N4BP2: variants seen among roughly 807,000 people sequenced by gnomAD.
N4BP2 encodes NEDD4 binding protein 2, also known as NEDD4-binding protein 2.
A neutral mutation model predicts 152.8 loss-of-function variants in N4BP2; 91 were observed. That is an observed-to-expected ratio of 0.60 (90% confidence interval 0.50 to 0.71). The LOEUF (loss-of-function observed/expected upper bound fraction) is 0.71. Among genes scored for constraint, N4BP2 ranks in the 30% least tolerant of loss-of-function variants. The pLI is 0.00. For synonymous variants in N4BP2, 646 were observed against 705.3 expected, an observed-to-expected ratio of 0.92 and a Z score of 1.33; for missense variants, 1,923 against 2,059.1, an observed-to-expected ratio of 0.93 and a Z score of 1.28.
chr4:40,146,654 C>T (rs1720546971), intron 16 of N4BP2, among the ~76,000 whole-genome samples: 1 of 152,112 alleles, frequency 6.6e-6, no homozygotes, highest in Non-Finnish European at 1.5e-5. Flanking sequence ...CCTATTGTTA[C>T]CATTTTGTGT....
intron 1 of N4BP2, among the ~76,000 whole-genome samples, chr4:40,067,112 C>T (rs943139705): frequency 7.2e-6 from 1 of 138,662 alleles, no homozygotes; most frequent in African/African-American, 2.7e-5. Context: ...GGCTGGAGTG[C>T]AGTGGTGTGA....
intron 3 of N4BP2, among the ~76,000 whole-genome samples, chr4:40,097,991 C>T (rs563420979): frequency 5.9e-5 from 9 of 152,248 alleles, no homozygotes; most frequent in African/African-American, 2.2e-4. Flanking sequence ...AAAATGTCTC[C>T]ATGTATTGTC....
At chr4:40,134,294 A>G (rs1719157655) in intron 13 of N4BP2, among the ~76,000 whole-genome samples, 1 of 152,200 alleles carries the variant, frequency 6.6e-6, no homozygotes, top group Non-Finnish European at 1.5e-5. Context: ...ATGCTAGCAT[A>G]TGGCCACTCC....
chr4:40,101,661 T>A (rs924724897), intron 3 of N4BP2, among the ~76,000 whole-genome samples: 2 of 152,204 alleles, frequency 1.3e-5, no homozygotes, highest in Admixed American at 1.3e-4. Flanking sequence ...TTAGATTTAC[T>A]AAGAGAATAC....
intron 1 of N4BP2, among the ~76,000 whole-genome samples, chr4:40,066,620 C>CAGAGA (rs1711552884): frequency 6.6e-6 from 1 of 152,164 alleles, no homozygotes; most frequent in African/African-American, 2.4e-5. Flanking sequence ...GTGCCTAGCC[C>CAGAGA]TGGTCTGTTT....
downstream of N4BP2, among the ~76,000 whole-genome samples, chr4:40,162,759 A>AT (rs150436804): frequency 1.0e-3 from 153 of 152,258 alleles, 3 homozygotes; most frequent in Middle Eastern, 3.4e-3. Flanking sequence ...TAGATAGGGG[A>AT]TTTATCAGGA....
At chr4:40,069,721 A>T (rs794021) in intron 1 of N4BP2, among the ~76,000 whole-genome samples, 58,532 of 151,996 alleles carry the variant, frequency 0.39, 11,802 homozygotes, top group Middle Eastern at 0.45. Flanking sequence ...CAGTGTGGGC[A>T]GCAAAGCGAG....
At chr4:40,117,699 T>C (rs1717474860) in intron 7 of N4BP2, among the ~76,000 whole-genome samples, 170 bp from the exon 8 acceptor site, 1 of 152,230 alleles carries the variant, frequency 6.6e-6, no homozygotes, top group South Asian at 2.1e-4. Flanking sequence ...TAAGAAATCC[T>C]TAATAAAATG....
chr4:40,173,455 A>G, the N4BP2 span, among the ~76,000 whole-genome samples: 2 of 152,210 alleles, frequency 1.3e-5, no homozygotes, highest in Non-Finnish European at 2.9e-5. Context: ...ACTCATTGCT[A>G]TACTAGGAGG....
the N4BP2 span, among the ~76,000 whole-genome samples, chr4:40,170,235 T>C: frequency 2.6e-5 from 4 of 152,288 alleles, no homozygotes; most frequent in Non-Finnish European, 4.4e-5. Flanking sequence ...CTATGTACAC[T>C]GGTCATCCCA....
intron 2 of N4BP2, among the ~76,000 whole-genome samples, chr4:40,085,516 G>A (rs1713854498): frequency 6.6e-6 from 1 of 152,140 alleles, no homozygotes; most frequent in South Asian, 2.1e-4. Flanking sequence ...GAGTGCAGTG[G>A]CACAATCATA....
chr4:40,076,339 G>A lies in N4BP2; in HGVS notation c.-115+2788G>A, dbSNP rs1712727665. On this transcript the variant is annotated intron_variant, in intron 2 of 17. Transcript: ENST00000261435. ...AAAAGTACAAAAATTAGCCAGGCGT[G>A]GTGGTGCACACCTGTGGTCCCAGCT... Among the ~76,000 whole-genome samples, 3 of 152,128 alleles carry A rather than the reference G, an allele frequency of 2.0e-5. No homozygotes were observed. The South Asian group carries it at 6.2e-4, about 32-fold the overall frequency.
chr4:40,120,763 C>A lies in N4BP2; in HGVS notation c.2652C>A (p.Asp884Glu). 1 of 1,614,174 alleles carries A rather than the reference C, an allele frequency of 6.2e-7. No homozygotes were observed. Among genetic ancestry groups the A allele is most frequent in the Non-Finnish European group, 8.5e-7 (1 of 1,180,018 alleles). Residue 884 changes from aspartate to glutamate, a missense_variant, in exon 9 of 18, where the codon GAC becomes GAA. By Grantham distance (45) the Asp-to-Glu change is conservative (BLOSUM62 2). Transcript: ENST00000261435. ...IDKNSFNIMG[D>E]WPSSDSLAQR... is the part of the protein sequence containing the mutation. The stretch of plus-strand genomic sequence containing the variant: ...AAAACTCATTCAACATTATGGGTGA[C>A]TGGCCTTCATCTGATTCTTTAGCTC...
chr4:40,162,238 A>C (rs1228042232), downstream of N4BP2, among the ~76,000 whole-genome samples: 2 of 152,200 alleles, frequency 1.3e-5, no homozygotes, highest in Non-Finnish European at 2.9e-5. Flanking sequence ...GTGGTGGCTT[A>C]TGCCTGTAAT....
intron 14 of N4BP2, 58 bp from the exon 15 acceptor site, chr4:40,142,615 G>A (rs1277062132): frequency 7.9e-7 from 1 of 1,272,542 alleles, no homozygotes; most frequent in Non-Finnish European, 1.1e-6. Flanking sequence ...GAAGGTGTAA[G>A]GCATGAGTTT....
intron 3 of N4BP2, among the ~76,000 whole-genome samples, chr4:40,101,588 G>A (rs1182991226): frequency 6.6e-6 from 1 of 152,084 alleles, no homozygotes; most frequent in East Asian, 1.9e-4. Flanking sequence ...TTTCTGATAT[G>A]CAGTACATGC....
the N4BP2 span, among the ~76,000 whole-genome samples, chr4:40,182,397 A>T: frequency 1.3e-5 from 2 of 152,062 alleles, no homozygotes; most frequent in Non-Finnish European, 2.9e-5. Flanking sequence ...AGATCCTTGT[A>T]TTTGGTATAA....
At chr4:40,178,970 G>T in the N4BP2 span, among the ~76,000 whole-genome samples, 1 of 152,050 alleles carries the variant, frequency 6.6e-6, no homozygotes, top group African/African-American at 2.4e-5. Context: ...TGTGGTTGCC[G>T]ATTTTTCATT....
chr4:40,120,604 A>C lies in N4BP2; in HGVS notation c.2493A>C (p.Val831=). The change falls in exon 9 of 18, where the codon GTA becomes GTC. Residue 831 remains valine, a synonymous_variant. Transcript: ENST00000261435. Reference sequence around the variant, plus strand: ...AGTCACACAAATTAGTTAACAGTGTATCTGTGAATACAGATTGTGTCCAGC... The same window carrying C: ...AGTCACACAAATTAGTTAACAGTGTCTCTGTGAATACAGATTGTGTCCAGC... The part of the protein sequence containing the change: ...YPQSHKLVNS[V]SVNTDCVQQR... 6.2e-7 allele frequency: 1 copy of C among 1,614,212 alleles called. No individual in the cohort carries two copies. The highest frequency in any genetic ancestry group is 8.5e-7 in the Non-Finnish European group (1 of 1,180,026).
Sources: allele counts gnomAD v4.1 joint callset (sites outside exome capture counted in the v4.1 genomes callset), GRCh38; gene constraint gnomAD v4.1.1; transcripts MANE v1.5; gene names NCBI Gene and HGNC (gene_info 2026-07-23, HGNC 2026-07-21).